The following EML5 variants were observed in gnomAD, a reference collection of about 807,000 sequenced individuals.
EML5 encodes the protein EMAP like 5.
EML5 carries 120 observed loss-of-function variants against 250.0 expected under a neutral mutation model. The observed-to-expected ratio is 0.48, with a 90% confidence interval of 0.41 to 0.56. The LOEUF (loss-of-function observed/expected upper bound fraction) is 0.56. EML5 is among the 20% of genes least tolerant of loss of function. EML5 has a pLI of 0.00. For missense variants in EML5, 2,006 were observed against 2,437.6 expected (o/e 0.82, Z 3.73); for synonymous variants, 771 against 806.5 (o/e 0.96, Z 0.75).
At chr14:88,735,663 C>T (rs2093827775) in intron 7 of EML5, among the ~76,000 whole-genome samples, 1 of 152,066 alleles carries the variant, frequency 6.6e-6, no homozygotes, top group South Asian at 2.1e-4. Flanking sequence ...TTGACTACTG[C>T]TAAACATTTA....
chr14:88,785,302 T>C (rs2094540381), intron 1 of EML5, among the ~76,000 whole-genome samples: 1 of 152,148 alleles, frequency 6.6e-6, no homozygotes, highest in African/African-American at 2.4e-5. Flanking sequence ...AGTAATAATT[T>C]AATTGTACAT....
At chr14:88,633,705 A>G (rs2090564101) in intron 33 of EML5, among the ~76,000 whole-genome samples, 1 of 152,180 alleles carries the variant, frequency 6.6e-6, no homozygotes. Context: ...GCTGCCACAG[A>G]ACATATATAA....
At chr14:88,728,779 C>G (rs1192156980) in intron 7 of EML5, among the ~76,000 whole-genome samples, 1 of 151,974 alleles carries the variant, frequency 6.6e-6, no homozygotes, top group Admixed American at 6.6e-5. Context: ...ATATAATGAA[C>G]TTGAACATCC....
intron 32 of EML5, among the ~76,000 whole-genome samples, chr14:88,635,882 CA>C (rs142524571): frequency 0.011 from 1,631 of 152,154 alleles, 10 homozygotes; most frequent in Admixed American, 0.022. Context: ...CTTTTTTCAC[CA>C]TGTGAGGATA....
In EML5 at chr14:88,792,884, G is replaced by A; in HGVS notation, c.-381C>T. 3.3e-6 allele frequency: 1 copy of A among 305,138 alleles called. No homozygotes were observed. The highest frequency in any genetic ancestry group is 4.8e-6 in the Non-Finnish European group (1 of 207,920). The allele number at this position is 305,138 out of a possible 1,614,324, so 18.9% of individuals were successfully genotyped here. A position where few individuals can be genotyped will look rare whatever the true frequency, so the allele number is the denominator to read the frequency against. ...CCAGCCCCGGTCACCTGCGGCGCTC[G>A]CGCCCCGCCGCGGCTTTGTAGCCAC... On this transcript the variant is annotated 5_prime_UTR_variant, in exon 1 of 44. Coordinates refer to ENST00000554922, the MANE Select transcript of EML5 (RefSeq NM_183387.3). This position sits in a 1 kb window ranked among gnomAD's most constrained non-coding sequence, Gnocchi z 6.9.
chr14:88,789,218 A>G (rs1712527916), intron 1 of EML5, among the ~76,000 whole-genome samples: 2 of 152,288 alleles, frequency 1.3e-5, no homozygotes, highest in South Asian at 4.1e-4. Flanking sequence ...TTTTATAGAT[A>G]CAGATTTTAT....
intron 36 of EML5, chr14:88,624,645 T>C (rs888461125): frequency 4.4e-6 from 1 of 226,960 alleles, no homozygotes; most frequent in African/African-American, 2.3e-5. Flanking sequence ...AATACAACCC[T>C]GGCTCCAGAT....
In EML5 at chr14:88,726,468, C is replaced by T; in HGVS notation, c.1187+73G>A. The T allele has an allele frequency of 6.0e-6, 8 of 1,323,844 alleles. No individual in the cohort carries two copies. In the South Asian group the frequency reaches 1.3e-4, roughly 21 times the overall value. 82.0% of individuals were successfully genotyped at this position (1,323,844 alleles called of 1,614,324 possible). ...AACAAGTATTATATATTCTGTATCGCTGAAGAGAAAATTACTTATATTCTG... is the reference window on the plus strand; with the variant it reads ...AACAAGTATTATATATTCTGTATCGTTGAAGAGAAAATTACTTATATTCTG... On this transcript the variant is annotated intron_variant, in intron 8 of 43. Coordinates refer to ENST00000554922, the MANE Select transcript of EML5 (RefSeq NM_183387.3).
At chr14:88,631,642 C>CAT (rs2090444611) in intron 33 of EML5, among the ~76,000 whole-genome samples, 1 of 152,116 alleles carries the variant, frequency 6.6e-6, no homozygotes, top group Non-Finnish European at 1.5e-5. Flanking sequence ...TGGTGGCAGT[C>CAT]GCCTGTAATC....
intron 1 of EML5, among the ~76,000 whole-genome samples, chr14:88,767,823 G>A (rs538754251): frequency 4.6e-5 from 7 of 151,982 alleles, no homozygotes; most frequent in South Asian, 2.1e-4. Flanking sequence ...TATAGTAATC[G>A]GGAAGAAGAA....
chr14:88,787,687 C>A (rs116385525), intron 1 of EML5, among the ~76,000 whole-genome samples: 104 of 152,278 alleles, frequency 6.8e-4, no homozygotes, highest in African/African-American at 2.0e-3. Context: ...TATTGCAACA[C>A]ATAAAATGAA....
In EML5 at chr14:88,685,051, T is replaced by G. The variant is rs1256358953; in HGVS notation, c.2946A>C (p.Glu982Asp). 6 of 1,610,850 alleles carry G rather than the reference T, an allele frequency of 3.7e-6. No homozygotes were observed. In the East Asian group the frequency reaches 1.3e-4, roughly 36 times the overall value. ...GTGTTATTGGGCCACTTTTATCCACTTCTAGTATTTCACCATTCTTTGTGC... is the reference window on the plus strand; with the variant it reads ...GTGTTATTGGGCCACTTTTATCCACGTCTAGTATTTCACCATTCTTTGTGC... ...LVGTKNGEIL[E>D]VDKSGPITLL... is the part of the protein sequence containing the mutation. Residue 982 changes from glutamate (E) to aspartate (D), a missense_variant, in exon 20 of 44, where the codon GAA (glutamate) becomes GAC (aspartate). By Grantham distance (45) the Glu-to-Asp change is conservative. Around this residue, in one of 7 missense-constraint regions of EML5, gnomAD observed 1,375 missense variants for 1,590.3 expected, o/e 0.86. Coordinates refer to ENST00000554922, the MANE Select transcript of EML5 (RefSeq NM_183387.3).
rs369015462 is a variant in EML5, at chr14:88,740,389, C to T, written c.709G>A (p.Ala237Thr). 1.2e-6 allele frequency: 2 copies of T among 1,605,876 alleles called. No homozygotes were observed. Among genetic ancestry groups the T allele is most frequent in the Non-Finnish European group, 8.5e-7 (1 of 1,176,590 alleles). The change falls in exon 5 of 44, where the codon GCT becomes ACT. Residue 237 changes from alanine (A) to threonine (T), a missense_variant and splice_region_variant. This residue lies in a region of EML5 where 1,375 missense variants were observed against 1,590.3 expected (regional missense o/e 0.86). Coordinates refer to ENST00000554922, the MANE Select transcript of EML5 (RefSeq NM_183387.3). ...TTAAAATACTTAAATGTACTTACAG[C>T]ATGGGCTCCTTGTATTGTTCGTATA... The part of the protein sequence containing the change: ...NLIRTIQGAH[A>T]AGIFSMNACE...
intron 17 of EML5, among the ~76,000 whole-genome samples, chr14:88,689,865 A>T (rs1288348685): frequency 6.6e-6 from 1 of 152,228 alleles, no homozygotes; most frequent in East Asian, 1.9e-4. Flanking sequence ...ATGGTGAGAG[A>T]CAGTCAATAA....
rs2092721838 is a variant in EML5, at chr14:88,681,919, C to T, written c.3095G>A (p.Cys1032Tyr). 2.5e-6 allele frequency: 4 copies of T among 1,612,084 alleles called. No individual in the cohort carries two copies. The highest frequency in any genetic ancestry group is 3.3e-4 in the Middle Eastern group (2 of 6,062). ...TTTCAGCTTCCGGACAGCCAACATA[C>T]AATGACTAGGTGAGAGATCCCATAT... ...LRIWDLSPSH[C>Y]MLAVRKLKKG... Residue 1032 changes from cysteine to tyrosine, a missense_variant, in exon 21 of 44, where the codon TGT becomes TAT. This residue lies in a region of EML5 where 1,375 missense variants were observed against 1,590.3 expected (regional missense o/e 0.86). Transcript: ENST00000554922.
chr14:88,782,851 G>A (rs1041950141), intron 1 of EML5, among the ~76,000 whole-genome samples: 10 of 152,144 alleles, frequency 6.6e-5, no homozygotes, highest in Non-Finnish European at 1.5e-4. Context: ...AGGCTGAGGT[G>A]GGTGGATCAC....
chr14:88,733,180 A>G (rs1199122269), intron 7 of EML5, among the ~76,000 whole-genome samples: 1 of 152,188 alleles, frequency 6.6e-6, no homozygotes, highest in East Asian at 1.9e-4. Flanking sequence ...TTGGAGCTTA[A>G]TTTATAGCTT....
Position 88,618,783 on chromosome 14 carries a change from A to C in EML5, c.5405T>G (p.Val1802Gly). ...ATCCACTGAGTTCTCACTAGAACCT[A>C]CTGCCAGATACCGGGAATCCGGACT... ...RFSPDSRYLAVGSSENSVDFY... is the reference protein window; with the variant it reads ...RFSPDSRYLAGGSSENSVDFY... Residue 1802 changes from valine to glycine, a missense_variant, in exon 40 of 44, where the codon GTA becomes GGA. Physicochemically the swap from Val to Gly is moderately radical, Grantham distance 109. Coordinates refer to ENST00000554922, the MANE Select transcript of EML5 (RefSeq NM_183387.3). The C allele has an allele frequency of 6.3e-7, 1 of 1,595,826 alleles. No homozygotes were observed. The highest frequency in any genetic ancestry group is 8.5e-7 in the Non-Finnish European group (1 of 1,169,884).
chr14:88,743,221 G>C (rs1477644019), intron 4 of EML5, among the ~76,000 whole-genome samples: 1 of 152,040 alleles, frequency 6.6e-6, no homozygotes, highest in Non-Finnish European at 1.5e-5. Context: ...TGTAGAATGA[G>C]TATAGGTAAT....
Sources: allele counts gnomAD v4.1 joint callset (sites outside exome capture counted in the v4.1 genomes callset), GRCh38; gene constraint gnomAD v4.1.1; regional missense constraint gnomAD v4.1.1; non-coding constraint Gnocchi (gnomAD v3.1); transcripts MANE v1.5; gene names NCBI Gene and HGNC (gene_info 2026-07-23, HGNC 2026-07-21).